The following GAREM2 variants were observed in gnomAD, a reference collection of about 807,000 sequenced individuals.
GAREM2 encodes GRB2 associated regulator of MAPK1 subtype 2.
In GAREM2, 30 loss-of-function variants were observed where a neutral mutation model predicts 55.6. The ratio of observed to expected loss-of-function variants is 0.54; its 90% CI spans 0.40 to 0.73. The LOEUF (loss-of-function observed/expected upper bound fraction) is 0.73. Ranked by LOEUF, GAREM2 falls within the 30% of genes least tolerant of loss-of-function variation. GAREM2 has a pLI of 0.00. For synonymous variants in GAREM2, 550 were observed against 569.1 expected (o/e 0.97, Z 0.48); for missense variants, 1,075 against 1,257.7 (o/e 0.85, Z 2.20).
the GAREM2 span, among the ~76,000 whole-genome samples, chr2:26,203,417 G>A: frequency 1.3e-5 from 2 of 152,160 alleles, no homozygotes; most frequent in African/African-American, 4.8e-5. Context: ...CTGCAAAACA[G>A]GCAGCATGTG....
the GAREM2 span, chr2:26,195,205 C>A: frequency 6.2e-7 from 1 of 1,612,786 alleles, no homozygotes; most frequent in African/African-American, 1.3e-5. Flanking sequence ...ATCTTGTCCA[C>A]GGGAGAGAAG....
At chr2:26,190,805 C>G (rs568379363), downstream of GAREM2, 9 of 273,812 alleles carry the variant, frequency 3.3e-5, no homozygotes, top group African/African-American at 2.0e-4. Flanking sequence ...CTTACTCCCC[C>G]AAAGCACAGG....
intron 5 of GAREM2, 64 bp from the exon 6 acceptor site, chr2:26,187,167 G>C (rs1455013428): frequency 7.8e-6 from 11 of 1,405,382 alleles, no homozygotes; most frequent in Non-Finnish European, 1.0e-5. Context: ...ATGCATGTGT[G>C]ACCCTATCGG....
At chr2:26,204,032 A>T in the GAREM2 span, 7 of 1,609,834 alleles carry the variant, frequency 4.3e-6, no homozygotes, top group East Asian at 1.6e-4. Context: ...AGGACATTCT[A>T]ACTCTTGCAA....
chr2:26,192,375 C>T (rs762246988), downstream of GAREM2: 97 of 1,609,950 alleles, frequency 6.0e-5, no homozygotes, highest in Non-Finnish European at 4.6e-5. Context: ...TCAAATCCTT[C>T]CTCTTCACAC....
the GAREM2 span, chr2:26,197,738 C>G: frequency 1.3e-6 from 2 of 1,561,892 alleles, no homozygotes; most frequent in Non-Finnish European, 8.8e-7. Flanking sequence ...ATTGGGAGAG[C>G]AGATGTGTTA....
intron 2 of GAREM2, chr2:26,182,292 C>G (rs530798926): frequency 1.4e-6 from 2 of 1,440,142 alleles, no homozygotes; most frequent in Non-Finnish European, 1.8e-6. Flanking sequence ...GGCCTACTCT[C>G]AGGGAGGTGG....
intron 2 of GAREM2, 65 bp downstream of exon 2, chr2:26,176,549 CA>C: frequency 7.3e-7 from 1 of 1,370,816 alleles, no homozygotes; most frequent in Non-Finnish European, 9.6e-7. Flanking sequence ...GGACTGGGGC[CA>C]GGGGTAGGGG....
chr2:26,191,566 C>T (rs1669504364), downstream of GAREM2: 2 of 1,614,140 alleles, frequency 1.2e-6, no homozygotes, highest in Non-Finnish European at 1.7e-6. Context: ...CTCTTGCAGG[C>T]ACATGACTGC....
rs375996014 is a variant in GAREM2, at chr2:26,187,500, G to A, written c.1868G>A (p.Arg623His). 4.5e-6 allele frequency: 7 copies of A among 1,544,364 alleles called. No homozygotes were observed. The highest frequency in any genetic ancestry group is 4.1e-5 in the African/African-American group (3 of 72,760). The stretch of plus-strand genomic sequence containing the variant: ...TTCAAGCCCTCACATCCCCAGAAGC[G>A]CTTTGCTCCGTTTGGAGCTCTCAAC... Reference protein sequence around the residue: ...PLFKPSHPQKRFAPFGALNPF... With the variant: ...PLFKPSHPQKHFAPFGALNPF... The change falls in exon 6 of 6, where the codon CGC (arginine) becomes CAC (histidine). Residue 623 changes from arginine to histidine, a missense_variant. Transcript: ENST00000401533.
At chr2:26,202,078 C>T in the GAREM2 span, among the ~76,000 whole-genome samples, 6 of 151,868 alleles carry the variant, frequency 4.0e-5, no homozygotes, top group African/African-American at 7.3e-5. Flanking sequence ...GGATTATAGG[C>T]GTGAGCCACC....
chr2:26,195,530 C>T, the GAREM2 span, among the ~76,000 whole-genome samples: 17 of 140,652 alleles, frequency 1.2e-4, no homozygotes, highest in East Asian at 2.1e-4. Context: ...TATTGGGGAA[C>T]GACGGATGAA....
In GAREM2 at chr2:26,188,310, C is replaced by T. The variant is rs1669363514; in HGVS notation, c.*53C>T. 3.0e-6 allele frequency: 4 copies of T among 1,353,922 alleles called. No individual in the cohort carries two copies. Among genetic ancestry groups the T allele is most frequent in the Non-Finnish European group, 3.9e-6 (4 of 1,026,962 alleles). The allele number at this position is 1,353,922 out of a possible 1,614,324, so 83.9% of individuals were successfully genotyped here. On this transcript the variant is annotated 3_prime_UTR_variant, in exon 6 of 6. Coordinates refer to ENST00000401533, the MANE Select transcript of GAREM2 (RefSeq NM_001168241.2). ...AATGCTGGTATGGGGGCCCCAGGTA[C>T]AGCACTCCGGAGGAGCAGGTGCTGC...
chr2:26,201,702 G>C, the GAREM2 span, among the ~76,000 whole-genome samples: 5 of 152,116 alleles, frequency 3.3e-5, no homozygotes, highest in Non-Finnish European at 5.9e-5. Flanking sequence ...CTATGACAGG[G>C]GAAGCAGCCA....
chr2:26,184,160 A>T (rs1042625143), intron 3 of GAREM2, 73 bp from the exon 4 acceptor site: 1 of 1,525,076 alleles, frequency 6.6e-7, no homozygotes, highest in African/African-American at 1.4e-5. Flanking sequence ...TTCCCTTTCC[A>T]GTCTCTGGGA....
chr2:26,184,100 T>G (rs1574591672), intron 3 of GAREM2, 133 bp from the exon 4 acceptor site: 1 of 1,358,672 alleles, frequency 7.4e-7, no homozygotes. Flanking sequence ...GTGGATCTCC[T>G]GGCCTACCAT....
At chr2:26,180,490 C>T (rs1669014845) in intron 2 of GAREM2, among the ~76,000 whole-genome samples, 1 of 152,228 alleles carries the variant, frequency 6.6e-6, no homozygotes, top group African/African-American at 2.4e-5. Context: ...GTCTATTTCA[C>T]TGGTGGCACC....
downstream of GAREM2, chr2:26,193,462 G>C: frequency 2.2e-6 from 2 of 891,668 alleles, no homozygotes; most frequent in Non-Finnish European, 3.8e-6. Context: ...CAGTGATAAG[G>C]GCTCTGTGTT....
rs554639005 is a variant in GAREM2, at chr2:26,173,963, T to A, written c.112+631T>A. Among the ~76,000 whole-genome samples the A allele has an allele frequency of 2.6e-4, 39 of 151,448 alleles. No homozygotes were observed. In the East Asian group the frequency reaches 6.8e-3, roughly 27 times the overall value. ...AATAGGACCTGGGGCCCCCAGCCGC[T>A]CGGCTGATGGAACCACGCATGGGGG... On this transcript the variant is annotated intron_variant, in intron 1 of 5. Transcript: ENST00000401533.
Sources: gnomAD v4.1 joint callset for allele counts (sites outside exome capture counted in the v4.1 genomes callset) on GRCh38, gnomAD v4.1.1 for gene constraint, MANE v1.5 for transcripts, NCBI Gene and HGNC (gene_info 2026-07-23, HGNC 2026-07-21) for gene names.